TENM1: variants seen among roughly 807,000 people sequenced by gnomAD.
TENM1 encodes teneurin-1.
Under a neutral mutation model 174.8 loss-of-function variants are expected in TENM1, and 35 were observed. The ratio of observed to expected loss-of-function variants is 0.20; its 90% CI spans 0.15 to 0.27. The LOEUF is 0.27. Ranked by LOEUF, TENM1 falls within the 10% of genes least tolerant of loss-of-function variation. TENM1 has a pLI of 1.00. For missense variants in TENM1, 1,633 were observed against 2,130.1 expected (o/e 0.77, Z 4.59); for synonymous variants, 781 against 798.7 (o/e 0.98, Z 0.37).
the TENM1 span, among the ~76,000 whole-genome samples, chrX:125,104,388 C>T: frequency 2.7e-5 from 3 of 112,154 alleles, no homozygotes; most frequent in East Asian, 2.8e-4. Context: ...AGACCAACAA[C>T]TCTGTGAAAT....
At chrX:125,186,558 C>A in the TENM1 span, among the ~76,000 whole-genome samples, 2 of 107,709 alleles carry the variant, frequency 1.9e-5, no homozygotes. Context: ...ACTCTTAGTT[C>A]CCATGAGAAA....
intron 3 of TENM1, among the ~76,000 whole-genome samples, chrX:124,865,297 TACA>T (rs2056981749): frequency 8.9e-6 from 1 of 111,853 alleles, no homozygotes; most frequent in Admixed American, 9.5e-5. Context: ...AAAGAATAAC[TACA>T]ACAACTTTTT....
intron 18 of TENM1, among the ~76,000 whole-genome samples, chrX:124,510,795 TGAA>T (rs2047565501): frequency 1.2e-4 from 1 of 8,137 alleles, no homozygotes; most frequent in African/African-American, 5.6e-4. Context: ...CACACACACT[TGAA>T]GTTTTTCTGA....
intron 22 of TENM1, among the ~76,000 whole-genome samples, chrX:124,469,343 CT>C (rs1411156425): frequency 1.8e-5 from 2 of 112,048 alleles, no homozygotes; most frequent in African/African-American, 6.5e-5. Flanking sequence ...GTGCCAGGCA[CT>C]GTTTAACCCA....
chrX:124,736,856 T>G (rs1448589334), intron 4 of TENM1, 101 bp downstream of exon 7: 1 of 1,046,074 alleles, frequency 9.6e-7, no homozygotes, highest in African/African-American at 1.9e-5. Flanking sequence ...TGTGCATTTG[T>G]GTGTCTCTGC....
At chrX:124,701,295 A>G (rs1476702567) in intron 5 of TENM1, among the ~76,000 whole-genome samples, 3 of 111,393 alleles carry the variant, frequency 2.7e-5, no homozygotes, top group East Asian at 2.8e-4. Flanking sequence ...GTAACAGCGC[A>G]CTTGACCCCA....
intron 4 of TENM1, among the ~76,000 whole-genome samples, chrX:124,711,202 TA>T (rs1293930870): frequency 2.4e-4 from 26 of 108,176 alleles, no homozygotes; most frequent in South Asian, 2.0e-3. Flanking sequence ...ATAAAGAAAT[TA>T]AAAAAAAAAT....
intron 3 of TENM1, among the ~76,000 whole-genome samples, chrX:124,776,233 G>A (rs1257275075): frequency 8.9e-6 from 1 of 111,777 alleles, no homozygotes; most frequent in Non-Finnish European, 1.9e-5. Context: ...ATGAGAGGAT[G>A]TACTTCAGGA....
intron 5 of TENM1, among the ~76,000 whole-genome samples, chrX:124,693,059 A>C (rs1190114461): frequency 4.6e-5 from 5 of 107,841 alleles, no homozygotes; most frequent in African/African-American, 1.7e-4. Context: ...ATGCTGCTCT[A>C]CTCTTACCTT....
chrX:124,602,898 T>C (rs1213597894), intron 11 of TENM1, among the ~76,000 whole-genome samples: 1 of 110,989 alleles, frequency 9.0e-6, no homozygotes, highest in Non-Finnish European at 1.9e-5. Context: ...TGAAAAAGGG[T>C]TTTTGCAAAT....
At chrX:125,189,367 G>T in the TENM1 span, among the ~76,000 whole-genome samples, 1 of 112,314 alleles carries the variant, frequency 8.9e-6, no homozygotes, top group East Asian at 2.8e-4. Flanking sequence ...GCTAACTACC[G>T]TTTAAGAAAA....
rs895381951 is a variant in TENM1, at chrX:124,703,454, G to T, written c.1015+1559C>A. Among the ~76,000 whole-genome samples the T allele has an allele frequency of 6.3e-5, 7 of 111,524 alleles. No individual in the cohort carries two copies. The South Asian group carries it at 1.1e-3, about 18-fold the overall frequency. ...GTGGCCATAATAATAAATTTAAATA[G>T]AAAATTAGTATTAAACATGGTATAA... On this transcript the variant is annotated intron_variant, in intron 5 of 31. Coordinates refer to ENST00000422452, the Ensembl canonical transcript of TENM1.
At chrX:125,099,988 C>T in the TENM1 span, among the ~76,000 whole-genome samples, 1 of 111,521 alleles carries the variant, frequency 9.0e-6, no homozygotes, top group African/African-American at 3.3e-5. Context: ...TTGGTAATTA[C>T]TTCTAGATTG....
chrX:124,386,155 C>T, intron 28 of TENM1, 91 bp from the exon 32 acceptor site: 1 of 875,220 alleles, frequency 1.1e-6, no homozygotes, highest in Non-Finnish European at 1.6e-6. Context: ...CAACACAAAT[C>T]AATCAAGCAC....
At chrX:124,721,207 C>G (rs1256100263) in intron 4 of TENM1, among the ~76,000 whole-genome samples, 2 of 111,620 alleles carry the variant, frequency 1.8e-5, no homozygotes, top group African/African-American at 6.5e-5. Flanking sequence ...TTTTCAAAAA[C>G]TCACACGGGG....
the TENM1 span, among the ~76,000 whole-genome samples, chrX:125,187,253 C>G: frequency 8.9e-6 from 1 of 112,233 alleles, no homozygotes; most frequent in South Asian, 3.7e-4. Context: ...GGGCAAGACT[C>G]TGTCTCAAAA....
chrX:124,431,160 G>A (rs1463952378), intron 23 of TENM1, among the ~76,000 whole-genome samples: 1 of 112,217 alleles, frequency 8.9e-6, no homozygotes, highest in Non-Finnish European at 1.9e-5. Context: ...ATTTATGGAA[G>A]TGCTCAAAAA....
intron 6 of TENM1, among the ~76,000 whole-genome samples, chrX:124,656,665 CTAAA>C (rs2051451502): frequency 8.9e-6 from 1 of 111,887 alleles, no homozygotes; most frequent in Non-Finnish European, 1.9e-5. Flanking sequence ...ATCTAGACCA[CTAAA>C]TAGACTGCTC....
At chrX:125,126,511 G>A in the TENM1 span, among the ~76,000 whole-genome samples, 2 of 111,082 alleles carry the variant, frequency 1.8e-5, no homozygotes, top group East Asian at 5.7e-4. Flanking sequence ...CAACTTATCT[G>A]CAATGTGCTA....
Sources: allele counts gnomAD v4.1 joint callset (sites outside exome capture counted in the v4.1 genomes callset), GRCh38; gene constraint gnomAD v4.1.1; transcripts MANE v1.5; gene names NCBI Gene and HGNC (gene_info 2026-07-23, HGNC 2026-07-21).